BCAT1: variants seen among roughly 807,000 people sequenced by gnomAD.
BCAT1 encodes branched chain amino acid transaminase 1, also known as branched-chain-amino-acid aminotransferase, cytosolic.
Under a neutral mutation model 52.4 loss-of-function variants are expected in BCAT1, and 48 were observed. That is an observed-to-expected ratio of 0.92 (90% confidence interval 0.73 to 1.16). The LOEUF (loss-of-function observed/expected upper bound fraction) is 1.16, where lower values mean the gene tolerates loss of function less well. BCAT1 is among the 50% of genes most tolerant of loss of function. The pLI, the probability that BCAT1 is intolerant of heterozygous loss-of-function variation, is 0.00. For synonymous variants in BCAT1, 167 were observed against 161.3 expected (o/e 1.04, Z -0.27); for missense variants, 451 against 457.1 (o/e 0.99, Z 0.12).
chr12:24,934,947 G>T (rs941548815), intron 1 of BCAT1, among the ~76,000 whole-genome samples: 9 of 152,174 alleles, frequency 5.9e-5, no homozygotes, highest in Non-Finnish European at 1.3e-4. Context: ...TCTTGATCAA[G>T]ATATTGTGGT....
intron 1 of BCAT1, among the ~76,000 whole-genome samples, chr12:24,943,526 A>G (rs900151146): frequency 2.0e-5 from 3 of 148,270 alleles, no homozygotes; most frequent in African/African-American, 7.3e-5. Context: ...AAATTTACAA[A>G]GTGGTGTCAG....
At chr12:24,897,642 C>T (rs2139663883) in intron 2 of BCAT1, among the ~76,000 whole-genome samples, 1 of 152,290 alleles carries the variant, frequency 6.6e-6, no homozygotes, top group East Asian at 1.9e-4. Flanking sequence ...CAACCTCCGC[C>T]TCCCAGGTTC....
chr12:24,948,985 G>A lies in BCAT1; in HGVS notation c.-53C>T. 2 of 1,572,238 alleles carry A rather than the reference G, an allele frequency of 1.3e-6. No individual in the cohort carries two copies. The highest frequency in any genetic ancestry group is 1.7e-6 in the Non-Finnish European group (2 of 1,157,870). ...AGCTGAGCGGAGGGCAGATCCCAAG[G>A]GTCGTAGCCCCTGGCCGTGTGGACC... On this transcript the variant is annotated 5_prime_UTR_variant, in exon 1 of 11. Coordinates refer to ENST00000261192, the MANE Select transcript of BCAT1 (RefSeq NM_005504.7).
intron 3 of BCAT1, among the ~76,000 whole-genome samples, chr12:24,884,277 T>C (rs1942591978): frequency 6.6e-6 from 1 of 152,134 alleles, no homozygotes; most frequent in African/African-American, 2.4e-5. Context: ...ATTTCACTCA[T>C]ATGTGGACTG....
At chr12:24,844,257 G>A (rs972556693) in intron 6 of BCAT1, among the ~76,000 whole-genome samples, 1 of 150,986 alleles carries the variant, frequency 6.6e-6, no homozygotes, top group Non-Finnish European at 1.5e-5. Flanking sequence ...GAGAAACCCC[G>A]TCTCTACTAA....
chr12:24,904,288 C>T (rs1302953616), intron 1 of BCAT1: 1 of 152,334 alleles, frequency 6.6e-6, no homozygotes, highest in Non-Finnish European at 1.5e-5. Flanking sequence ...TTGCAACATC[C>T]GCCTCCCCGG....
chr12:24,894,348 TC>T lies in BCAT1; in HGVS notation c.205del (p.Glu69ArgfsTer30). The T allele has an allele frequency of 6.2e-7, 1 of 1,613,930 alleles. No individual in the cohort carries two copies. The highest frequency in any genetic ancestry group is 8.5e-7 in the Non-Finnish European group (1 of 1,179,888). On this transcript the variant is annotated frameshift_variant, in exon 3 of 11. Coordinates refer to ENST00000261192, the MANE Select transcript of BCAT1 (RefSeq NM_005504.7). LOFTEE classifies it high-confidence loss of function. ...TVEWSSEFGW[E>X]KPHIKPLQNL... ...CTGAAGAGGCTTGATATGAGGTTTC[TC>T]CCATCCAAACTCTGAGGACCACTCC... is the stretch of plus-strand genomic sequence containing the variant.
Position 24,810,560 on chromosome 12 carries a change from A to C in BCAT1, c.*7448T>G, listed in dbSNP as rs1005624537. On this transcript the variant is annotated 3_prime_UTR_variant, in exon 11 of 11. Coordinates refer to ENST00000261192, the MANE Select transcript of BCAT1 (RefSeq NM_005504.7). The stretch of plus-strand genomic sequence containing the variant: ...CAGGAATGACAGGTCTCTCTTTCTC[A>C]CGCTTGTGGGAATTGAGCGTTGACA... The C allele has an allele frequency of 3.3e-5, 5 of 152,160 alleles. No individual in the cohort carries two copies. Among genetic ancestry groups the C allele is most frequent in the Non-Finnish European group, 7.3e-5 (5 of 68,038 alleles). The allele number at this position is 152,160 out of a possible 1,614,324, so 9.4% of individuals were successfully genotyped here.
At chr12:24,940,041 C>A (rs1216088036) in intron 1 of BCAT1, among the ~76,000 whole-genome samples, 1 of 152,062 alleles carries the variant, frequency 6.6e-6, no homozygotes, top group Non-Finnish European at 1.5e-5. Flanking sequence ...TTCTTTTTAT[C>A]TCTACCTGAG....
intron 10 of BCAT1, among the ~76,000 whole-genome samples, chr12:24,826,536 A>G (rs1174221169): frequency 6.6e-6 from 1 of 152,154 alleles, no homozygotes; most frequent in African/African-American, 2.4e-5. Flanking sequence ...TTTGGTTATT[A>G]TAGTTTTATA....
intron 1 of BCAT1, among the ~76,000 whole-genome samples, chr12:24,939,503 C>A (rs187907276): frequency 3.3e-5 from 5 of 152,108 alleles, no homozygotes; most frequent in Non-Finnish European, 7.4e-5. Flanking sequence ...TACAACACTT[C>A]GGAAATACTG....
intron 10 of BCAT1, among the ~76,000 whole-genome samples, chr12:24,819,654 C>T (rs1222301918): frequency 6.6e-6 from 1 of 152,140 alleles, no homozygotes; most frequent in Admixed American, 6.5e-5. Context: ...TGTTCTTTCT[C>T]CTATATCACA....
intron 1 of BCAT1, among the ~76,000 whole-genome samples, chr12:24,938,607 T>A (rs1361534819): frequency 6.6e-6 from 1 of 152,084 alleles, no homozygotes; most frequent in Non-Finnish European, 1.5e-5. Context: ...ACCAGTGGGC[T>A]GGAAGGGAAC....
intron 2 of BCAT1, among the ~76,000 whole-genome samples, chr12:24,900,717 G>C (rs1943080240): frequency 6.6e-6 from 1 of 152,212 alleles, no homozygotes; most frequent in Admixed American, 6.5e-5. Flanking sequence ...GATTGCATGA[G>C]GCCAGGAGTT....
rs543352831 is a variant in BCAT1, at chr12:24,947,315, T to C, written c.6+1612A>G. 2.4e-4 allele frequency among the ~76,000 whole-genome samples: 36 copies of C among 152,312 alleles called. No individual in the cohort carries two copies. The South Asian group carries it at 7.3e-3, about 31-fold the overall frequency. On this transcript the variant is annotated intron_variant, in intron 1 of 10. Coordinates refer to ENST00000261192, the MANE Select transcript of BCAT1 (RefSeq NM_005504.7). ...TCACTTACCATTTTTGTACACATGC[T>C]ACTCAGTGTATATCCTATGTTTCTT...
chr12:24,840,499 T>G (rs1753502604), intron 7 of BCAT1, among the ~76,000 whole-genome samples: 1 of 152,206 alleles, frequency 6.6e-6, no homozygotes, highest in South Asian at 2.1e-4. Context: ...TGTATAAATT[T>G]TATTTTCAAA....
At chr12:24,864,037 A>G (rs1443315366) in intron 5 of BCAT1, among the ~76,000 whole-genome samples, 2 of 152,174 alleles carry the variant, frequency 1.3e-5, no homozygotes, top group Admixed American at 6.5e-5. Context: ...TTATTGGAAC[A>G]TGTTCATTTA....
At chr12:24,871,470 T>C (rs1942182613) in intron 5 of BCAT1, among the ~76,000 whole-genome samples, 1 of 152,210 alleles carries the variant, frequency 6.6e-6, no homozygotes, top group Non-Finnish European at 1.5e-5. Flanking sequence ...CAATGAAATC[T>C]GTAGGACAAA....
chr12:24,908,395 T>C (rs960231575), intron 1 of BCAT1, among the ~76,000 whole-genome samples: 3 of 152,208 alleles, frequency 2.0e-5, no homozygotes, highest in African/African-American at 7.2e-5. Flanking sequence ...GTTAGTGTGA[T>C]TGAGAAACCG....
Sources: allele counts gnomAD v4.1 joint callset (sites outside exome capture counted in the v4.1 genomes callset), GRCh38; gene constraint gnomAD v4.1.1; transcripts MANE v1.5; gene names NCBI Gene and HGNC (gene_info 2026-07-23, HGNC 2026-07-21).